Variants in TRIQK observed in about 807,000 individuals in gnomAD.
TRIQK encodes the protein triple QxxK/R motif-containing protein.
In TRIQK, 10 loss-of-function variants were observed where a neutral mutation model predicts 10.8. The ratio of observed to expected loss-of-function variants is 0.92; its 90% CI spans 0.57 to 1.57. The LOEUF (loss-of-function observed/expected upper bound fraction) is 1.57, where lower values mean the gene tolerates loss of function less well. TRIQK is among the 40% of genes most tolerant of loss of function. The probability of loss-of-function intolerance (pLI) is 0.00; values close to 1 mark genes in which losing one functional copy is unlikely to be tolerated. For missense variants in TRIQK, 107 were observed against 97.7 expected, an observed-to-expected ratio of 1.09 and a Z score of -0.40; for synonymous variants, 33 against 33.7, an observed-to-expected ratio of 0.98 and a Z score of 0.07.
rs1017270884 is a variant in TRIQK at position 92,941,844 on chromosome 8, A to ACTC, written c.-22+12561_-22+12562insGAG. ...TGGATAATGTAGAAGAAATGGATAA[A>ACTC]CTAGAAACATGCAACCTACCAAGAT... On this transcript the variant is annotated intron_variant, in intron 2 of 4. Transcript: ENST00000521988. 1.6e-3 allele frequency among the ~76,000 whole-genome samples: 251 copies of ACTC among 152,268 alleles called. 2 individuals are homozygous for ACTC. The highest frequency in any genetic ancestry group is 5.7e-3 in the African/African-American group (235 of 41,586).
intron 2 of TRIQK, among the ~76,000 whole-genome samples, chr8:92,948,573 T>G (rs1811673206): frequency 6.6e-6 from 1 of 152,194 alleles, no homozygotes; most frequent in East Asian, 1.9e-4. Flanking sequence ...ATCAGCTAGT[T>G]TAAAATATTT....
chr8:92,956,053 T>G (rs928765159), intron 1 of TRIQK, among the ~76,000 whole-genome samples: 1 of 151,752 alleles, frequency 6.6e-6, no homozygotes, highest in Admixed American at 6.6e-5. Flanking sequence ...ATTTTAGTCT[T>G]AGGTATATAT....
At chr8:92,906,024 T>G (rs62520788) in intron 3 of TRIQK, among the ~76,000 whole-genome samples, 35,326 of 152,050 alleles carry the variant, frequency 0.23, 4,891 homozygotes, top group African/African-American at 0.39. Flanking sequence ...ACATAGATCT[T>G]TATCATATTC....
At chr8:92,969,897 T>C (rs2130736468), upstream of TRIQK, among the ~76,000 whole-genome samples, 1 of 152,242 alleles carries the variant, frequency 6.6e-6, no homozygotes, top group Admixed American at 6.5e-5. Flanking sequence ...ATCCCTTAGA[T>C]ATTAAGCCCA....
chr8:93,011,983 T>C (rs1441212851), intron 1 of TRIQK, among the ~76,000 whole-genome samples: 3 of 152,078 alleles, frequency 2.0e-5, no homozygotes, highest in Admixed American at 2.0e-4. Flanking sequence ...GGTGGACAGT[T>C]TGGGGACAGA....
intron 4 of TRIQK, among the ~76,000 whole-genome samples, chr8:92,891,459 T>A (rs926852119): frequency 6.6e-6 from 1 of 151,890 alleles, no homozygotes; most frequent in Non-Finnish European, 1.5e-5. Context: ...TAAATTAATA[T>A]CTGCTAACAT....
At chr8:92,909,745 G>C (rs1459849471) in intron 3 of TRIQK, among the ~76,000 whole-genome samples, 3 of 151,572 alleles carry the variant, frequency 2.0e-5, no homozygotes, top group Non-Finnish European at 4.4e-5. Context: ...TTTATACATG[G>C]AGGAGAATTA....
intron 1 of TRIQK, among the ~76,000 whole-genome samples, chr8:92,960,943 T>A (rs1812429593): frequency 6.6e-6 from 1 of 152,222 alleles, no homozygotes; most frequent in Admixed American, 6.5e-5. Flanking sequence ...CTCATCATTT[T>A]GTTTTCTCTT....
At chr8:92,907,134 A>G (rs1192928822) in intron 3 of TRIQK, among the ~76,000 whole-genome samples, 1 of 152,174 alleles carries the variant, frequency 6.6e-6, no homozygotes, top group Non-Finnish European at 1.5e-5. Context: ...GGATTGACAT[A>G]AGTTGAAGTT....
intron 2 of TRIQK, among the ~76,000 whole-genome samples, chr8:92,940,485 T>A (rs1463925663): frequency 1.3e-5 from 2 of 152,076 alleles, no homozygotes; most frequent in Non-Finnish European, 2.9e-5. Context: ...TATACTTATA[T>A]CAAATAAAAT....
chr8:92,919,114 C>T (rs528946466), intron 2 of TRIQK, among the ~76,000 whole-genome samples: 4 of 151,784 alleles, frequency 2.6e-5, no homozygotes, highest in African/African-American at 4.8e-5. Context: ...CCAATTGTTT[C>T]GTTACTATAA....
At chr8:93,015,090 T>A (rs1051814420) in intron 1 of TRIQK, among the ~76,000 whole-genome samples, 2 of 152,040 alleles carry the variant, frequency 1.3e-5, no homozygotes, top group Non-Finnish European at 2.9e-5. Flanking sequence ...GAATCTTTTT[T>A]AAAATGTATC....
intron 3 of TRIQK, among the ~76,000 whole-genome samples, chr8:92,909,638 C>A (rs892813818): frequency 1.3e-5 from 2 of 151,732 alleles, no homozygotes; most frequent in South Asian, 4.1e-4. Context: ...AAGAAACAAG[C>A]ACTAAGCTTA....
chr8:92,902,478 G>A (rs1485823543), intron 3 of TRIQK, among the ~76,000 whole-genome samples: 1 of 152,114 alleles, frequency 6.6e-6, no homozygotes, highest in Non-Finnish European at 1.5e-5. Flanking sequence ...TGGTATAGGT[G>A]ACTCAAGATT....
At chr8:92,939,690 A>T (rs571904875) in intron 2 of TRIQK, among the ~76,000 whole-genome samples, 18 of 152,230 alleles carry the variant, frequency 1.2e-4, no homozygotes, top group African/African-American at 4.1e-4. Context: ...AACCCACCCT[A>T]CAACCCTACT....
At chr8:92,987,727 A>G (rs1813050745) in intron 1 of TRIQK, among the ~76,000 whole-genome samples, 1 of 152,080 alleles carries the variant, frequency 6.6e-6, no homozygotes. Context: ...TAATGCAAAG[A>G]CCTTCACGAT....
chr8:92,920,751 A>C (rs914402804), intron 2 of TRIQK, among the ~76,000 whole-genome samples: 4 of 151,974 alleles, frequency 2.6e-5, no homozygotes, highest in African/African-American at 7.2e-5. Flanking sequence ...AGAAATGGTA[A>C]GAAGGTTACT....
chr8:92,997,626 G>A (rs1048324934), intron 1 of TRIQK, among the ~76,000 whole-genome samples: 2 of 152,074 alleles, frequency 1.3e-5, no homozygotes, highest in African/African-American at 4.8e-5. Flanking sequence ...GTAAGCTCTA[G>A]TGAGCAAATT....
chr8:92,942,703 T>A (rs568042781), intron 2 of TRIQK, among the ~76,000 whole-genome samples: 2 of 152,300 alleles, frequency 1.3e-5, no homozygotes, highest in African/African-American at 4.8e-5. Context: ...GTAGTATTTC[T>A]TCTTTGTTTT....
Sources: gnomAD v4.1 joint callset for allele counts (sites outside exome capture counted in the v4.1 genomes callset) on GRCh38, gnomAD v4.1.1 for gene constraint, MANE v1.5 for transcripts, NCBI Gene and HGNC (gene_info 2026-07-23, HGNC 2026-07-21) for gene names.